The following C16orf95 variants were observed in gnomAD, a reference collection of about 807,000 sequenced individuals.
The protein encoded by C16orf95 is uncharacterized protein C16orf95.
Under a neutral mutation model 32.1 loss-of-function variants are expected in C16orf95, and 41 were observed. The ratio of observed to expected loss-of-function variants is 1.28; its 90% CI spans 1.00 to 1.66. The LOEUF is 1.66. Ranked by LOEUF, C16orf95 falls within the 40% of genes most tolerant of loss-of-function variation. The pLI, the probability that C16orf95 is intolerant of heterozygous loss-of-function variation, is 0.00. For missense variants in C16orf95, 399 were observed against 325.9 expected (o/e 1.22, Z -1.73); for synonymous variants, 147 against 128.9 (o/e 1.14, Z -0.95).
Position 87,315,838 on chromosome 16 carries a change from C to A in C16orf95, c.153-15G>T, listed in dbSNP as rs771099778. 1 of 1,525,530 alleles carries A rather than the reference C, an allele frequency of 6.6e-7. No homozygotes were observed. The highest frequency in any genetic ancestry group is 1.2e-5 in the South Asian group (1 of 82,220). The allele number at this position is 1,525,530 out of a possible 1,614,324, so 94.5% of individuals were successfully genotyped here. On this transcript the variant is annotated splice_polypyrimidine_tract_variant and intron_variant, in intron 1 of 6. Coordinates refer to ENST00000567970, the MANE Select transcript of C16orf95 (RefSeq NM_001195124.3). Reference sequence around the variant, plus strand: ...ATGTGCTATTCCTAGAAGAGAAGAACAGAAAAGCTTAGGGTTTGTGTAAAC... The same window carrying A: ...ATGTGCTATTCCTAGAAGAGAAGAAAAGAAAAGCTTAGGGTTTGTGTAAAC...
chr16:87,303,582 T>C (rs1174937957), intron 6 of C16orf95: 1 of 166,162 alleles, frequency 6.0e-6, no homozygotes, highest in African/African-American at 2.4e-5. Context: ...CCTGGGATGC[T>C]GGTTGGTGCC....
intron 3 of C16orf95, among the ~76,000 whole-genome samples, chr16:87,313,199 A>G (rs1911362320): frequency 6.6e-6 from 1 of 152,024 alleles, no homozygotes; most frequent in South Asian, 2.1e-4. Context: ...AAATTAAAAA[A>G]AAAAAAAGAG....
intron 4 of C16orf95, 107 bp from the exon 5 acceptor site, chr16:87,310,440 A>G: frequency 8.8e-7 from 1 of 1,135,162 alleles, no homozygotes; most frequent in Non-Finnish European, 1.3e-6. Context: ...CCAGCTCAAG[A>G]TAAAAGCCAA....
At chr16:87,304,170 C>G in intron 6 of C16orf95, among the ~76,000 whole-genome samples, 1 of 152,182 alleles carries the variant, frequency 6.6e-6, no homozygotes, top group East Asian at 1.9e-4. Flanking sequence ...GCACTACACT[C>G]AGCTAATTTT....
intron 3 of C16orf95, 82 bp downstream of exon 3, chr16:87,314,889 T>TA: frequency 8.6e-7 from 1 of 1,167,384 alleles, no homozygotes; most frequent in African/African-American, 1.5e-5. Context: ...ATTCATATAA[T>TA]ACTTCTAATT....
At chr16:87,315,374 T>C (rs1482195702) in intron 2 of C16orf95, among the ~76,000 whole-genome samples, 1 of 152,246 alleles carries the variant, frequency 6.6e-6, no homozygotes, top group Non-Finnish European at 1.5e-5. Context: ...TGGTCCCCTC[T>C]GAAAATGGGC....
intron 3 of C16orf95, among the ~76,000 whole-genome samples, chr16:87,312,502 G>A (rs1378049181): frequency 6.8e-6 from 1 of 147,130 alleles, no homozygotes; most frequent in Non-Finnish European, 1.5e-5. Flanking sequence ...CTGGGAGACG[G>A]AGTTTGCAGT....
rs1427601612 is a variant in C16orf95, at chr16:87,305,101, A to C, written c.701+618T>G. 2.0e-5 allele frequency among the ~76,000 whole-genome samples: 3 copies of C among 152,124 alleles called. No homozygotes were observed. The highest frequency in any genetic ancestry group is 4.1e-4 in the South Asian group (2 of 4,828). Reference sequence around the variant, plus strand: ...CGCCTAGGCCGAGAGTAAAGGAGTAAGAGGAAGTAGCTGTTCCCCGAAGCC... The same window carrying C: ...CGCCTAGGCCGAGAGTAAAGGAGTACGAGGAAGTAGCTGTTCCCCGAAGCC... On this transcript the variant is annotated intron_variant, in intron 6 of 6. Transcript: ENST00000567970. The surrounding 1 kb of genome is among the most constrained non-coding windows in gnomAD (Gnocchi z 4.2).
chr16:87,308,599 G>A (rs1911133244), intron 5 of C16orf95, among the ~76,000 whole-genome samples: 1 of 152,188 alleles, frequency 6.6e-6, no homozygotes, highest in Non-Finnish European at 1.5e-5. Flanking sequence ...CTGTTGCCGT[G>A]ACCTCTGCTC....
chr16:87,317,327 C>G lies in C16orf95; in HGVS notation c.-85G>C. 2.1e-6 allele frequency: 3 copies of G among 1,439,802 alleles called. No homozygotes were observed. The highest frequency in any genetic ancestry group is 2.7e-6 in the Non-Finnish European group (3 of 1,096,220). 89.2% of individuals were successfully genotyped at this position (1,439,802 alleles called of 1,614,324 possible). The stretch of plus-strand genomic sequence containing the variant: ...CTGGCTCCCGCCTTTCCCTCCTGCC[C>G]CAGGAGGAACCCAACCCGAGCTCAA... On this transcript the variant is annotated 5_prime_UTR_variant, in exon 1 of 7. Coordinates refer to ENST00000567970, the MANE Select transcript of C16orf95 (RefSeq NM_001195124.3).
At position 87,302,834 on chromosome 16, in the gene C16orf95, A is replaced by G; in HGVS notation, c.*223T>C. ...GCCAGTTTAGAGTTTCACAAATAAC[A>G]TTTATTGACCACATTCATAACAGAA... On this transcript the variant is annotated 3_prime_UTR_variant, in exon 7 of 7. Coordinates refer to ENST00000567970, the MANE Select transcript of C16orf95 (RefSeq NM_001195124.3). 1.7e-6 allele frequency: 1 copy of G among 572,606 alleles called. No homozygotes were observed. The highest frequency in any genetic ancestry group is 2.0e-5 in the South Asian group (1 of 49,964). The allele number at this position is 572,606 out of a possible 1,614,324, so 35.5% of individuals were successfully genotyped here.
chr16:87,312,834 A>C (rs1911345960), intron 3 of C16orf95, among the ~76,000 whole-genome samples: 1 of 152,222 alleles, frequency 6.6e-6, no homozygotes, highest in South Asian at 2.1e-4. Flanking sequence ...AGGTTTAGCA[A>C]TATTGTAGAA....
At chr16:87,313,399 G>A (rs962879443) in intron 3 of C16orf95, among the ~76,000 whole-genome samples, 14 of 152,164 alleles carry the variant, frequency 9.2e-5, no homozygotes, top group African/African-American at 2.9e-4. Context: ...CCACTTGTAT[G>A]GCCATAAAGG....
At chr16:87,310,628 T>G (rs1911238616) in intron 4 of C16orf95, among the ~76,000 whole-genome samples, 1 of 152,178 alleles carries the variant, frequency 6.6e-6, no homozygotes, top group South Asian at 2.1e-4. Context: ...CTGCTGCCGC[T>G]GCCCAGAACT....
At position 87,315,040 on chromosome 16, in the gene C16orf95, G is replaced by A. The variant is rs1904307342; in HGVS notation, c.261C>T (p.Arg87=). 2.0e-6 allele frequency: 3 copies of A among 1,536,078 alleles called. No individual in the cohort carries two copies. Among genetic ancestry groups the A allele is most frequent in the Non-Finnish European group, 2.6e-6 (3 of 1,146,872 alleles). The change falls in exon 3 of 7, where the codon CGC becomes CGT. Residue 87 remains arginine, a synonymous_variant. Coordinates refer to ENST00000567970, the MANE Select transcript of C16orf95 (RefSeq NM_001195124.3). ...CCECQTRFGG[R]LPVSRVEAAL... Reference sequence around the variant, plus strand: ...CTGCTTCCACCCTGGACACAGGCAGGCGGCCCCCGAATCTGGTCTGGCATT... The same window carrying A: ...CTGCTTCCACCCTGGACACAGGCAGACGGCCCCCGAATCTGGTCTGGCATT...
chr16:87,311,970 C>T (rs969316519), intron 3 of C16orf95, among the ~76,000 whole-genome samples: 1 of 152,188 alleles, frequency 6.6e-6, no homozygotes, highest in South Asian at 2.1e-4. Context: ...CTGAGACAGG[C>T]TGTAAAGTGA....
intron 2 of C16orf95, among the ~76,000 whole-genome samples, 195 bp downstream of exon 2, chr16:87,315,577 G>A (rs1904314411): frequency 6.6e-6 from 1 of 152,186 alleles, no homozygotes; most frequent in African/African-American, 2.4e-5. Flanking sequence ...TATATTAGGT[G>A]GCCTCCTGAA....
chr16:87,309,987 A>C (rs558728220), intron 5 of C16orf95, among the ~76,000 whole-genome samples: 8 of 152,200 alleles, frequency 5.3e-5, no homozygotes, highest in Non-Finnish European at 1.2e-4. Flanking sequence ...ATTATAGAAG[A>C]TTAGAGCTTA....
rs1193813602 is a variant in C16orf95 at position 87,305,109 on chromosome 16, T to C, written c.701+610A>G. Reference sequence around the variant, plus strand: ...CCGAGAGTAAAGGAGTAAGAGGAAGTAGCTGTTCCCCGAAGCCCAGCTGTG... The same window carrying C: ...CCGAGAGTAAAGGAGTAAGAGGAAGCAGCTGTTCCCCGAAGCCCAGCTGTG... On this transcript the variant is annotated intron_variant, in intron 6 of 6. Transcript: ENST00000567970. This position sits in a 1 kb window ranked among gnomAD's most constrained non-coding sequence, Gnocchi z 4.2. 2.0e-5 allele frequency among the ~76,000 whole-genome samples: 3 copies of C among 152,122 alleles called. No individual in the cohort carries two copies. The highest frequency in any genetic ancestry group is 4.8e-5 in the African/African-American group (2 of 41,436).
Sources: allele counts gnomAD v4.1 joint callset (sites outside exome capture counted in the v4.1 genomes callset), GRCh38; gene constraint gnomAD v4.1.1; non-coding constraint Gnocchi (gnomAD v3.1); transcripts MANE v1.5; gene names NCBI Gene and HGNC (gene_info 2026-07-23, HGNC 2026-07-21).